ARHGEF33: variants seen among roughly 807,000 people sequenced by gnomAD.
The protein encoded by ARHGEF33 is Rho guanine nucleotide exchange factor 33.
In ARHGEF33, 72 loss-of-function variants were observed where a neutral mutation model predicts 101.9. The ratio of observed to expected loss-of-function variants is 0.71; its 90% CI spans 0.58 to 0.86. The LOEUF is 0.86. Among genes scored for constraint, ARHGEF33 ranks in the 40% least tolerant of loss-of-function variants. The probability of loss-of-function intolerance (pLI) is 0.00; values close to 1 mark genes in which losing one functional copy is unlikely to be tolerated. For synonymous variants in ARHGEF33, 499 were observed against 442.5 expected (o/e 1.13, Z -1.60); for missense variants, 1,169 against 1,111.3 (o/e 1.05, Z -0.74).
chr2:38,918,284 A>G (rs1666679271), intron 2 of ARHGEF33, among the ~76,000 whole-genome samples: 1 of 152,244 alleles, frequency 6.6e-6, no homozygotes, highest in Admixed American at 6.5e-5. Context: ...CTTAGAAGGT[A>G]GAAAGAATAT....
chr2:38,973,912 A>C lies in ARHGEF33; in HGVS notation c.*69A>C. The C allele has an allele frequency of 1.2e-6, 1 of 811,840 alleles. No homozygotes were observed. Among genetic ancestry groups the C allele is most frequent in the East Asian group, 5.4e-5 (1 of 18,588 alleles). 50.3% of individuals were successfully genotyped at this position (811,840 alleles called of 1,614,324 possible). On this transcript the variant is annotated 3_prime_UTR_variant, in exon 18 of 18. Coordinates refer to ENST00000409978, the MANE Select transcript of ARHGEF33 (RefSeq NM_001145451.5). ...AAAGCTTGTATATATCTGTGTAGGA[A>C]TATATATATATATCTATATCTATAT...
At chr2:38,955,451 T>A (rs943004545) in intron 13 of ARHGEF33, among the ~76,000 whole-genome samples, 1 of 148,254 alleles carries the variant, frequency 6.7e-6, no homozygotes, top group African/African-American at 2.5e-5. Context: ...AGTCCAGTAG[T>A]CCAGTATCAA....
At chr2:38,952,989 G>A (rs1667650159) in intron 11 of ARHGEF33, among the ~76,000 whole-genome samples, 173 bp from the exon 12 acceptor site, 1 of 152,148 alleles carries the variant, frequency 6.6e-6, no homozygotes, top group African/African-American at 2.4e-5. Context: ...GTGAGCCACC[G>A]CGCCTTATCT....
chr2:38,903,672 A>G (rs938429140), intron 2 of ARHGEF33, among the ~76,000 whole-genome samples: 1 of 152,206 alleles, frequency 6.6e-6, no homozygotes, highest in East Asian at 1.9e-4. Flanking sequence ...TCTAATATAT[A>G]TAACAAGGAC....
chr2:38,917,238 C>T (rs543160861), intron 2 of ARHGEF33, among the ~76,000 whole-genome samples: 2 of 151,270 alleles, frequency 1.3e-5, no homozygotes, highest in Non-Finnish European at 2.9e-5. Context: ...ATTACAGGCA[C>T]CTGCCACCAT....
At chr2:38,926,647 C>T (rs1666879588) in intron 4 of ARHGEF33, among the ~76,000 whole-genome samples, 1 of 152,126 alleles carries the variant, frequency 6.6e-6, no homozygotes, top group South Asian at 2.1e-4. Flanking sequence ...CCTATGTCAC[C>T]TGGCTGTTAG....
At chr2:38,919,138 G>A (rs894223888) in intron 2 of ARHGEF33, among the ~76,000 whole-genome samples, 3 of 152,142 alleles carry the variant, frequency 2.0e-5, no homozygotes, top group African/African-American at 7.2e-5. Context: ...AAATAAGAAT[G>A]TAGCATTTTG....
In ARHGEF33 at chr2:38,929,083, T is replaced by C; in HGVS notation, c.240+12T>C. The C allele has an allele frequency of 6.5e-7, 1 of 1,539,836 alleles. No homozygotes were observed. The highest frequency in any genetic ancestry group is 1.2e-5 in the South Asian group (1 of 82,206). On this transcript the variant is annotated intron_variant, in intron 5 of 17. Transcript: ENST00000409978. ...TAAACTATTTCAAGGTAGGCCTCTCTTTAATTTCCCTGCTGACAAGAGAAT... is the reference window on the plus strand; with the variant it reads ...TAAACTATTTCAAGGTAGGCCTCTCCTTAATTTCCCTGCTGACAAGAGAAT...
At chr2:38,923,446 C>T (rs932569047) in intron 4 of ARHGEF33, among the ~76,000 whole-genome samples, 2 of 152,020 alleles carry the variant, frequency 1.3e-5, no homozygotes, top group South Asian at 2.1e-4. Context: ...TTTGGTAATT[C>T]TCTATCTCAT....
intron 2 of ARHGEF33, among the ~76,000 whole-genome samples, chr2:38,909,706 A>ATTTT (rs71813216): frequency 8.9e-6 from 1 of 111,860 alleles, no homozygotes; most frequent in Non-Finnish European, 1.8e-5. Context: ...TTCAAGGATG[A>ATTTT]TTTTTTTTTT....
At chr2:38,972,036 G>T in intron 17 of ARHGEF33, 1 of 692,000 alleles carries the variant, frequency 1.4e-6, no homozygotes, top group Non-Finnish European at 2.7e-6. Context: ...GAAATACGAG[G>T]CAAAGATTTC....
At chr2:38,935,749 G>A (rs1386123971) in intron 7 of ARHGEF33, 26 bp from the exon 8 acceptor site, 1 of 1,548,942 alleles carries the variant, frequency 6.5e-7, no homozygotes. Flanking sequence ...AATGAACGCT[G>A]AATGAATGCT....
intron 5 of ARHGEF33, 117 bp from the exon 6 acceptor site, chr2:38,929,592 T>A (rs1666948113): frequency 1.3e-6 from 1 of 773,696 alleles, no homozygotes; most frequent in Non-Finnish European, 1.8e-6. Flanking sequence ...TTTTAATCTC[T>A]CATTCATTCA....
intron 2 of ARHGEF33, among the ~76,000 whole-genome samples, chr2:38,902,149 A>G (rs192325842): frequency 1.2e-3 from 176 of 151,990 alleles, no homozygotes; most frequent in Non-Finnish European, 1.3e-3. Context: ...AAAAAAAAAA[A>G]AAAGAAAAAC....
intron 1 of ARHGEF33, among the ~76,000 whole-genome samples, chr2:38,892,415 A>G (rs914829594): frequency 1.0e-4 from 10 of 97,006 alleles, no homozygotes; most frequent in African/African-American, 2.8e-4. Context: ...AAAGGTGGGT[A>G]AACAGATAAC....
chr2:38,932,273 C>T (rs1016761570), intron 7 of ARHGEF33, among the ~76,000 whole-genome samples: 10 of 152,008 alleles, frequency 6.6e-5, no homozygotes, highest in African/African-American at 2.4e-4. Context: ...GGTCTACAGG[C>T]GTCACCATGC....
intron 7 of ARHGEF33, 126 bp downstream of exon 7, chr2:38,931,377 G>A (rs1255346590): frequency 1.7e-5 from 14 of 821,584 alleles, no homozygotes; most frequent in Non-Finnish European, 2.6e-5. Context: ...TTTTCTGCTT[G>A]TAACTGGAAT....
chr2:38,965,914 G>A, intron 16 of ARHGEF33, 92 bp from the exon 17 acceptor site: 1 of 1,461,726 alleles, frequency 6.8e-7, no homozygotes, highest in East Asian at 2.5e-5. Context: ...CATGGGAGAG[G>A]AAAGTCACAA....
intron 7 of ARHGEF33, among the ~76,000 whole-genome samples, chr2:38,931,806 T>C (rs1667010052): frequency 6.6e-6 from 1 of 152,230 alleles, no homozygotes; most frequent in Non-Finnish European, 1.5e-5. Context: ...AAATTTGCCA[T>C]GTCTTTGTAT....
Sources: gnomAD v4.1 joint callset for allele counts (sites outside exome capture counted in the v4.1 genomes callset) on GRCh38, gnomAD v4.1.1 for gene constraint, MANE v1.5 for transcripts, NCBI Gene and HGNC (gene_info 2026-07-23, HGNC 2026-07-21) for gene names.